COL28A1: variants seen among roughly 807,000 people sequenced by gnomAD.
The protein encoded by COL28A1 is collagen alpha-1(XXVIII) chain.
In COL28A1, 161 loss-of-function variants were observed where a neutral mutation model predicts 150.2. That is an observed-to-expected ratio of 1.07 (90% CI 0.94 to 1.22). COL28A1 has a LOEUF of 1.22. Among genes scored for constraint, COL28A1 ranks in the 50% most tolerant of loss-of-function variants. The probability of loss-of-function intolerance (pLI) is 0.00; values close to 1 mark genes in which losing one functional copy is unlikely to be tolerated. For synonymous variants in COL28A1, 552 were observed against 469.7 expected (o/e 1.18, Z -2.26); for missense variants, 1,617 against 1,388.3 (o/e 1.16, Z -2.62).
the COL28A1 span, among the ~76,000 whole-genome samples, chr7:7,347,157 C>G: frequency 6.6e-6 from 1 of 152,014 alleles, no homozygotes; most frequent in African/African-American, 2.4e-5. Context: ...TATGAGCTTT[C>G]AATTAGTATT....
rs768297944 is a variant in COL28A1, at chr7:7,456,038, A to T, written c.1371+6T>A. Reference sequence around the variant, plus strand: ...ACTGAAGGGAAAGGAAGAATGCATTAATTACCTGTTCCCCTTGACTCCCGA... The same window carrying T: ...ACTGAAGGGAAAGGAAGAATGCATTTATTACCTGTTCCCCTTGACTCCCGA... On this transcript the variant is annotated splice_donor_region_variant and intron_variant, in intron 16 of 34. Coordinates refer to ENST00000399429, the MANE Select transcript of COL28A1 (RefSeq NM_001037763.3). The T allele has an allele frequency of 6.2e-7, 1 of 1,613,796 alleles. No individual in the cohort carries two copies. The highest frequency in any genetic ancestry group is 2.2e-5 in the East Asian group (1 of 44,860).
intron 32 of COL28A1, 56 bp downstream of exon 32, chr7:7,372,942 G>T: frequency 6.9e-7 from 1 of 1,454,156 alleles, no homozygotes; most frequent in South Asian, 1.3e-5. Flanking sequence ...CCAGTGATAT[G>T]GTACTTAGAG....
At chr7:7,427,096 C>T (rs987909062) in intron 25 of COL28A1, among the ~76,000 whole-genome samples, 1 of 152,108 alleles carries the variant, frequency 6.6e-6, no homozygotes, top group Non-Finnish European at 1.5e-5. Context: ...AAATACAAAG[C>T]TAGGAAAACA....
At chr7:7,359,241 C>T (rs527740283) in intron 34 of COL28A1, among the ~76,000 whole-genome samples, 15 of 151,630 alleles carry the variant, frequency 9.9e-5, no homozygotes, top group African/African-American at 3.6e-4. Context: ...GAAGGCACCA[C>T]TATGATCACA....
chr7:7,378,906 G>C (rs1167195104), intron 30 of COL28A1, among the ~76,000 whole-genome samples: 2 of 152,158 alleles, frequency 1.3e-5, no homozygotes, highest in African/African-American at 4.8e-5. Context: ...ATGGGGGTTT[G>C]GCCAGCATTC....
At chr7:7,417,078 A>G (rs1784121964) in intron 27 of COL28A1, among the ~76,000 whole-genome samples, 1 of 152,092 alleles carries the variant, frequency 6.6e-6, no homozygotes, top group Non-Finnish European at 1.5e-5. Flanking sequence ...AAGAGAGTGA[A>G]CCGATAAGAA....
chr7:7,368,633 C>T (rs1781064868), intron 33 of COL28A1, among the ~76,000 whole-genome samples: 1 of 152,064 alleles, frequency 6.6e-6, no homozygotes, highest in African/African-American at 2.4e-5. Flanking sequence ...GGGATCAATA[C>T]CCTTATAAGA....
intron 27 of COL28A1, among the ~76,000 whole-genome samples, chr7:7,383,249 GT>G (rs1554262196): frequency 2.5e-5 from 3 of 122,260 alleles, no homozygotes; most frequent in African/African-American, 9.9e-5. Context: ...TCTTTTTTTT[GT>G]TGTGTGTGTG....
intron 25 of COL28A1, among the ~76,000 whole-genome samples, chr7:7,425,420 G>A (rs1784600454): frequency 6.6e-6 from 1 of 152,144 alleles, no homozygotes; most frequent in African/African-American, 2.4e-5. Context: ...CCCTCTCAAG[G>A]AGAAGAACAT....
intron 11 of COL28A1, among the ~76,000 whole-genome samples, chr7:7,496,025 TTCTG>T (rs1476371285): frequency 6.6e-6 from 1 of 152,152 alleles, no homozygotes; most frequent in East Asian, 1.9e-4. Context: ...GCACAGTCTA[TTCTG>T]TCTGTCTGGG....
chr7:7,494,017 T>C (rs993487945), intron 11 of COL28A1, among the ~76,000 whole-genome samples: 2 of 152,188 alleles, frequency 1.3e-5, no homozygotes, highest in African/African-American at 4.8e-5. Context: ...AAGAATATGT[T>C]TCTCATTACC....
chr7:7,354,106 C>A (rs1319262675), downstream of COL28A1, among the ~76,000 whole-genome samples: 1 of 151,938 alleles, frequency 6.6e-6, no homozygotes, highest in African/African-American at 2.4e-5. Context: ...GATCCTCCCA[C>A]CTCAGGCTCC....
In COL28A1 at chr7:7,428,642, G is replaced by T. The variant is rs189555028; in HGVS notation, c.1998+3831C>A. Among the ~76,000 whole-genome samples the T allele has an allele frequency of 2.0e-4, 31 of 152,312 alleles. No individual in the cohort carries two copies. The East Asian group carries it at 6.0e-3, about 29-fold the overall frequency. On this transcript the variant is annotated intron_variant, in intron 25 of 34. Coordinates refer to ENST00000399429, the MANE Select transcript of COL28A1 (RefSeq NM_001037763.3). ...AGAAGAAAAGCAGGCTGTGATGAGT[G>T]GGGCTTGGAGCTTGGCTTCCCCATC...
At chr7:7,355,875 G>C (rs1010415925), downstream of COL28A1, among the ~76,000 whole-genome samples, 1 of 152,140 alleles carries the variant, frequency 6.6e-6, no homozygotes, top group African/African-American at 2.4e-5. Context: ...TGTACCAAGA[G>C]ACATGAATAA....
At chr7:7,364,355 AG>A (rs1780824575) in intron 33 of COL28A1, among the ~76,000 whole-genome samples, 1 of 152,222 alleles carries the variant, frequency 6.6e-6, no homozygotes, top group East Asian at 1.9e-4. Flanking sequence ...TCAGAAAATC[AG>A]GGTAATGACT....
intron 18 of COL28A1, among the ~76,000 whole-genome samples, chr7:7,451,916 G>A (rs1206678203): frequency 1.3e-5 from 2 of 152,022 alleles, no homozygotes; most frequent in Non-Finnish European, 2.9e-5. Context: ...CAGAACAATG[G>A]TGAAGTTGAG....
At position 7,520,094 on chromosome 7, in the gene COL28A1, T is replaced by C. The variant is rs1255958289; in HGVS notation, c.781A>G (p.Ile261Val). 7.0e-6 allele frequency: 10 copies of C among 1,427,730 alleles called. No homozygotes were observed. Among genetic ancestry groups the C allele is most frequent in the African/African-American group, 1.4e-5 (1 of 71,472 alleles). The allele number at this position is 1,427,730 out of a possible 1,614,324, so 88.4% of individuals were successfully genotyped here. The change falls in exon 6 of 35, where the codon ATC (isoleucine) becomes GTC (valine). Residue 261 changes from isoleucine (I) to valine (V), a missense_variant. Transcript: ENST00000399429. ...GPPGTHGNPGIKGERGPKGNP... is the reference protein window; with the variant it reads ...GPPGTHGNPGVKGERGPKGNP... ...CCTTTTGGTCCTCGCTCACCTTTGA[T>C]ACCTGGATTTCCATGTGTACCCTGA...
chr7:7,444,181 C>T (rs572312503), intron 19 of COL28A1, among the ~76,000 whole-genome samples: 15 of 152,058 alleles, frequency 9.9e-5, no homozygotes, highest in Admixed American at 8.5e-4. Context: ...CCTGAAGAAA[C>T]TAGGCCATAA....
intron 11 of COL28A1, among the ~76,000 whole-genome samples, chr7:7,494,366 T>C (rs1017015211): frequency 6.6e-6 from 1 of 152,132 alleles, no homozygotes; most frequent in African/African-American, 2.4e-5. Context: ...CCTTCATGCA[T>C]GGAGTCACAG....
Sources: allele counts gnomAD v4.1 joint callset (sites outside exome capture counted in the v4.1 genomes callset), GRCh38; gene constraint gnomAD v4.1.1; transcripts MANE v1.5; gene names NCBI Gene and HGNC (gene_info 2026-07-23, HGNC 2026-07-21).